Variants in MAP3K13 observed in about 807,000 individuals in gnomAD.
MAP3K13 encodes mitogen-activated protein kinase kinase kinase 13.
MAP3K13 carries 52 observed loss-of-function variants against 104.0 expected under a neutral mutation model. The ratio of observed to expected loss-of-function variants is 0.50; its 90% CI spans 0.40 to 0.63. MAP3K13 has a LOEUF of 0.63. MAP3K13 is among the 20% of genes least tolerant of loss of function. The pLI is 0.00. For synonymous variants in MAP3K13, 394 were observed against 442.2 expected (o/e 0.89, Z 1.37); for missense variants, 914 against 1,218.5 (o/e 0.75, Z 3.72).
At chr3:185,382,737 G>C (rs1724789457) in intron 1 of MAP3K13, among the ~76,000 whole-genome samples, 1 of 152,098 alleles carries the variant, frequency 6.6e-6, no homozygotes, top group African/African-American at 2.4e-5. Context: ...GGGCGCGGTG[G>C]CTCATGCCTG....
intron 2 of MAP3K13, among the ~76,000 whole-genome samples, chr3:185,320,401 T>C (rs145428333): frequency 1.9e-3 from 296 of 152,284 alleles, no homozygotes; most frequent in African/African-American, 6.9e-3. Context: ...ACTTTTAGTG[T>C]AGAAAGGCAA....
chr3:185,429,845 T>C (rs577642961), intron 2 of MAP3K13, among the ~76,000 whole-genome samples: 20 of 152,252 alleles, frequency 1.3e-4, no homozygotes, highest in African/African-American at 4.8e-4. Flanking sequence ...TTTGAGGAAA[T>C]GACAAAATAT....
At chr3:185,318,781 A>C (rs1290226957) in intron 2 of MAP3K13, among the ~76,000 whole-genome samples, 1 of 152,246 alleles carries the variant, frequency 6.6e-6, no homozygotes, top group African/African-American at 2.4e-5. Context: ...CTTTTAAAAA[A>C]TGTTTATTAA....
intron 7 of MAP3K13, among the ~76,000 whole-genome samples, chr3:185,462,561 T>A (rs1344165264): frequency 6.6e-6 from 1 of 152,036 alleles, no homozygotes; most frequent in African/African-American, 2.4e-5. Context: ...TCATTTGAGG[T>A]CAGGAGTTCA....
chr3:185,314,585 C>T (rs543243357), intron 2 of MAP3K13, among the ~76,000 whole-genome samples: 25 of 152,028 alleles, frequency 1.6e-4, no homozygotes, highest in African/African-American at 6.0e-4. Flanking sequence ...CACTGCATTC[C>T]AGCCTGGGTG....
chr3:185,392,809 G>A (rs1712147090), intron 1 of MAP3K13, among the ~76,000 whole-genome samples: 1 of 152,090 alleles, frequency 6.6e-6, no homozygotes, highest in Non-Finnish European at 1.5e-5. Context: ...AGCACTTTGG[G>A]AGCCTGAGGC....
intron 2 of MAP3K13, among the ~76,000 whole-genome samples, chr3:185,356,176 G>C (rs1208862278): frequency 6.7e-6 from 1 of 148,776 alleles, no homozygotes; most frequent in Non-Finnish European, 1.5e-5. Context: ...TAAACACCAT[G>C]TGAGAGTTAG....
chr3:185,463,638 G>A lies in MAP3K13; in HGVS notation c.1367G>A (p.Arg456Gln), dbSNP rs1311413742. Residue 456 changes from arginine (R) to glutamine (Q), a missense_variant, in exon 8 of 14, where the codon CGA becomes CAA. Transcript: ENST00000265026. The part of the protein sequence containing the change: ...CIHRLDEELI[R>Q]RRREELRHAL... ...CACCGGTTAGATGAAGAACTGATTC[G>A]AAGGCGCAGAGAAGAGCTCAGGTCA... The A allele has an allele frequency of 3.7e-6, 6 of 1,611,820 alleles. No individual in the cohort carries two copies. Among genetic ancestry groups the A allele is most frequent in the East Asian group, 2.2e-5 (1 of 44,856 alleles).
At chr3:185,443,398 A>G (rs1251433127) in intron 3 of MAP3K13, 47 bp from the exon 4 acceptor site, 1 of 1,317,822 alleles carries the variant, frequency 7.6e-7, no homozygotes, top group South Asian at 1.4e-5. Flanking sequence ...ATACATATGT[A>G]TACTTGTATG....
At chr3:185,372,085 A>T (rs1214895423) in intron 1 of MAP3K13, among the ~76,000 whole-genome samples, 3 of 152,180 alleles carry the variant, frequency 2.0e-5, no homozygotes, top group Non-Finnish European at 4.4e-5. Context: ...CTCACCAATT[A>T]TTTCCTCTCC....
At position 185,283,874 on chromosome 3, in the gene MAP3K13, A is replaced by G. The variant is rs192707394; in HGVS notation, c.-205+847A>G. On this transcript the variant is annotated intron_variant, in intron 1 of 14. Coordinates refer to the MAP3K13 transcript ENST00000424227. ...GCTTTCTTTTAAGCAAAGTAAACTTACTTTCCTTTTTCTTTCTTTCTTTCT... is the reference window on the plus strand; with the variant it reads ...GCTTTCTTTTAAGCAAAGTAAACTTGCTTTCCTTTTTCTTTCTTTCTTTCT... 2.2e-3 allele frequency among the ~76,000 whole-genome samples: 319 copies of G among 143,900 alleles called. 4 individuals are homozygous for G. The highest frequency in any genetic ancestry group is 8.3e-4 in the Non-Finnish European group (54 of 65,276). 94.4% of individuals were successfully genotyped at this position (143,900 alleles called of 152,430 possible). A position where few individuals can be genotyped will look rare whatever the true frequency, so the allele number is the denominator to read the frequency against.
intron 1 of MAP3K13, among the ~76,000 whole-genome samples, chr3:185,390,209 C>A (rs1711960137): frequency 6.6e-6 from 1 of 152,164 alleles, no homozygotes; most frequent in South Asian, 2.1e-4. Context: ...GCTAATATCT[C>A]TATTGGATTT....
Position 185,429,741 on chromosome 3 carries a change from G to A in MAP3K13, c.475+685G>A, listed in dbSNP as rs1402536138. Among the ~76,000 whole-genome samples, 3 of 152,264 alleles carry A rather than the reference G, an allele frequency of 2.0e-5. No homozygotes were observed. The East Asian group carries it at 5.8e-4, about 29-fold the overall frequency. ...AACCAGACAGAAGCCACATGGTAAT[G>A]CCCCTGAAGATTGTAGGGCTTAGAT... On this transcript the variant is annotated intron_variant, in intron 2 of 13. Transcript: ENST00000265026.
intron 4 of MAP3K13, among the ~76,000 whole-genome samples, chr3:185,447,470 G>T (rs1715651829): frequency 6.9e-6 from 1 of 144,958 alleles, no homozygotes; most frequent in South Asian, 2.2e-4. Context: ...CTCCAGCCTG[G>T]GCGGCAAGAG....
At chr3:185,332,391 A>T (rs566038658) in intron 2 of MAP3K13, among the ~76,000 whole-genome samples, 3 of 152,326 alleles carry the variant, frequency 2.0e-5, no homozygotes, top group Admixed American at 1.3e-4. Context: ...ACTAATTTTC[A>T]TTTTTAATTG....
chr3:185,327,398 G>C (rs1288873294), intron 2 of MAP3K13, among the ~76,000 whole-genome samples: 1 of 152,176 alleles, frequency 6.6e-6, no homozygotes, highest in Non-Finnish European at 1.5e-5. Flanking sequence ...TCAGGATTAG[G>C]ACATGGACAT....
chr3:185,388,502 AAAAAAAG>A (rs1291709093), intron 1 of MAP3K13, among the ~76,000 whole-genome samples: 2 of 152,212 alleles, frequency 1.3e-5, no homozygotes, highest in South Asian at 4.2e-4. Flanking sequence ...ACCCTGGCTC[AAAAAAAG>A]AAAAAAGAAG....
rs571473498 is a variant in MAP3K13, at chr3:185,399,768, C to T, written c.-85-28729C>T. Among the ~76,000 whole-genome samples the T allele has an allele frequency of 5.3e-5, 8 of 151,660 alleles. No individual in the cohort carries two copies. In the East Asian group the frequency reaches 1.6e-3, roughly 30 times the overall value. On this transcript the variant is annotated intron_variant, in intron 1 of 13. Transcript: ENST00000265026. ...GTTCTTTGCCCCAGTTACAGTTTAG[C>T]TAGTTCCTTATTTCCCTCCCTGCCT...
Position 185,483,114 on chromosome 3 carries a change from C to T in MAP3K13, c.*658C>T, listed in dbSNP as rs1417903385. 1 of 232,962 alleles carries T rather than the reference C, an allele frequency of 4.3e-6. No individual in the cohort carries two copies. The highest frequency in any genetic ancestry group is 8.5e-6 in the Non-Finnish European group (1 of 117,946). 14.4% of individuals were successfully genotyped at this position (232,962 alleles called of 1,614,324 possible). The stretch of plus-strand genomic sequence containing the variant: ...AGTCTGGTGACCAGATACTTGCACC[C>T]AATGTCTTCAAGGGCATGTGCTTCC... On this transcript the variant is annotated 3_prime_UTR_variant, in exon 14 of 14. Coordinates refer to ENST00000265026, the MANE Select transcript of MAP3K13 (RefSeq NM_004721.5).
Sources: allele counts gnomAD v4.1 joint callset (sites outside exome capture counted in the v4.1 genomes callset), GRCh38; gene constraint gnomAD v4.1.1; transcripts MANE v1.5; gene names NCBI Gene and HGNC (gene_info 2026-07-23, HGNC 2026-07-21).